The following FANCD2OS variants were observed in gnomAD, a reference collection of about 807,000 sequenced individuals.
FANCD2OS encodes the protein FANCD2 opposite strand protein.
In FANCD2OS, 11 loss-of-function variants were observed where a neutral mutation model predicts 13.2. That is an observed-to-expected ratio of 0.83 (90% CI 0.52 to 1.38). The LOEUF (loss-of-function observed/expected upper bound fraction) is 1.38, where lower values mean the gene tolerates loss of function less well. Ranked by LOEUF, FANCD2OS falls within the 40% of genes most tolerant of loss-of-function variation. The pLI, the probability that FANCD2OS is intolerant of heterozygous loss-of-function variation, is 0.00. For synonymous variants in FANCD2OS, 69 were observed against 84.5 expected, an observed-to-expected ratio of 0.82 and a Z score of 1.01; for missense variants, 217 against 213.9, an observed-to-expected ratio of 1.01 and a Z score of -0.09.
intron 2 of FANCD2OS, among the ~76,000 whole-genome samples, chr3:10,083,950 T>G (rs1056951213): frequency 1.3e-5 from 2 of 151,580 alleles, no homozygotes; most frequent in Non-Finnish European, 2.9e-5. Flanking sequence ...TTTGAGCAAT[T>G]TAGCCTGTGG....
chr3:10,099,298 A>T, downstream of FANCD2OS: 1 of 1,242,230 alleles, frequency 8.1e-7, no homozygotes, highest in Non-Finnish European at 1.0e-6. Flanking sequence ...TGTGGTACAG[A>T]TGCTTTCGAC....
intron 2 of FANCD2OS, chr3:10,090,394 G>T: frequency 1.3e-6 from 2 of 1,500,368 alleles, no homozygotes; most frequent in Non-Finnish European, 1.8e-6. Context: ...AGGTGAGTAA[G>T]ATAATAGTCA....
chr3:10,098,508 A>AAGG (rs1324535658), downstream of FANCD2OS, among the ~76,000 whole-genome samples: 1 of 152,174 alleles, frequency 6.6e-6, no homozygotes, highest in Non-Finnish European at 1.5e-5. Flanking sequence ...CTTTCGTTAC[A>AAGG]TTACTTATTG....
rs1370325758 is a variant in FANCD2OS, at chr3:10,105,767, AAAAATTATATATATATATATATATAT to A, written c.-8-1011_-8-986del. 6.0e-4 allele frequency among the ~76,000 whole-genome samples: 32 copies of A among 53,422 alleles called. 2 individuals are homozygous for A. Among genetic ancestry groups the A allele is most frequent in the African/African-American group, 4.8e-3 (22 of 4,582 alleles). The allele number at this position is 53,422 out of a possible 152,430, so 35.0% of individuals were successfully genotyped here. On this transcript the variant is annotated intron_variant, in intron 1 of 1. Coordinates refer to ENST00000450660, the MANE Select transcript of FANCD2OS (RefSeq NM_001164839.2). Reference sequence around the variant, plus strand: ...CTCCATCTAAAAAAAAAAAAAAAAAAAAAATTATATATATATATATATATATATATATATATATATATATATATATA... The same window carrying A: ...CTCCATCTAAAAAAAAAAAAAAAAAAATATATATATATATATATATATATA...
chr3:10,098,377 T>C (rs1695103612), downstream of FANCD2OS, among the ~76,000 whole-genome samples: 1 of 152,160 alleles, frequency 6.6e-6, no homozygotes, highest in African/African-American at 2.4e-5. Flanking sequence ...CTTGGTGTGA[T>C]AGTGCTTAGA....
intron 1 of FANCD2OS, among the ~76,000 whole-genome samples, chr3:10,105,793 T>C (rs1409706185): frequency 4.7e-5 from 3 of 63,984 alleles, no homozygotes; most frequent in African/African-American, 4.1e-4. Flanking sequence ...TATATATATA[T>C]ATATATATAT....
downstream of FANCD2OS, chr3:10,098,709 T>A: frequency 2.5e-6 from 4 of 1,614,122 alleles, no homozygotes; most frequent in Non-Finnish European, 3.4e-6. Context: ...TCTTGGTCCA[T>A]TCACATTTAG....
chr3:10,104,342 T>A lies in FANCD2OS; in HGVS notation c.433A>T (p.Ile145Phe). The A allele has an allele frequency of 6.2e-7, 1 of 1,614,216 alleles. No homozygotes were observed. The highest frequency in any genetic ancestry group is 8.5e-7 in the Non-Finnish European group (1 of 1,180,038). The change falls in exon 2 of 2, where the codon ATT (isoleucine) becomes TTT (phenylalanine). Residue 145 changes from isoleucine to phenylalanine, a missense_variant. Ile to Phe is a conservative substitution (Grantham distance 21). Coordinates refer to ENST00000450660, the MANE Select transcript of FANCD2OS (RefSeq NM_001164839.2). ...QWPIGLKEPQIQMTVTMCKQM... is the reference protein window; with the variant it reads ...QWPIGLKEPQFQMTVTMCKQM... ...TTGCACATAGTGACTGTCATCTGAA[T>A]CTGAGGCTCCTTCAGTCCAATGGGC...
chr3:10,101,056 A>C, downstream of FANCD2OS: 1 of 652,676 alleles, frequency 1.5e-6, no homozygotes, highest in Non-Finnish European at 2.7e-6. Context: ...TGACAGAGCA[A>C]GACTCCTTTA....
At chr3:10,093,213 G>T in intron 2 of FANCD2OS, 2 of 1,146,100 alleles carry the variant, frequency 1.7e-6, no homozygotes, top group Admixed American at 1.7e-5. Context: ...TGTGCTTTGC[G>T]CAGCGGGAAA....
chr3:10,104,529 C>T lies in FANCD2OS; in HGVS notation c.246G>A (p.Met82Ile), dbSNP rs1355886072. 6.2e-7 allele frequency: 1 copy of T among 1,614,070 alleles called. No homozygotes were observed. Among genetic ancestry groups the T allele is most frequent in the African/African-American group, 1.3e-5 (1 of 74,910 alleles). ...GCTTCCTGACCAGTCCTTTGTTGTT[C>T]ATCGTGCGCAACTCTGATGTGTGGC... ...LPCHTSELRT[M>I]NNKGLVRKPQ... is the part of the protein sequence containing the mutation. Residue 82 changes from methionine (M) to isoleucine (I), a missense_variant, in exon 2 of 2, where the codon ATG becomes ATA. Met to Ile is a conservative substitution (Grantham distance 10). Transcript: ENST00000450660.
intron 2 of FANCD2OS, among the ~76,000 whole-genome samples, chr3:10,091,270 G>A (rs1343784936): frequency 2.0e-5 from 3 of 151,324 alleles, no homozygotes; most frequent in Non-Finnish European, 4.4e-5. Context: ...TAGTAGAGGC[G>A]GGGTTTTGTC....
chr3:10,087,594 G>A (rs1014388230), intron 2 of FANCD2OS, among the ~76,000 whole-genome samples: 1 of 151,662 alleles, frequency 6.6e-6, no homozygotes, highest in African/African-American at 2.4e-5. Context: ...AATAAAGTAG[G>A]AAATAAAGGA....
At chr3:10,105,817 TA>T (rs1695483010) in intron 1 of FANCD2OS, among the ~76,000 whole-genome samples, 1 of 80,914 alleles carries the variant, frequency 1.2e-5, no homozygotes, top group Non-Finnish European at 2.4e-5. Flanking sequence ...TATATATATA[TA>T]TATTTTGAGG....
At chr3:10,107,609 ATCT>A (rs1405769881) in intron 1 of FANCD2OS, among the ~76,000 whole-genome samples, 1 of 151,700 alleles carries the variant, frequency 6.6e-6, no homozygotes, top group African/African-American at 2.4e-5. Flanking sequence ...TTCTTGCCAC[ATCT>A]TCTAAGAGGA....
chr3:10,099,084 C>A, downstream of FANCD2OS: 4 of 1,540,962 alleles, frequency 2.6e-6, no homozygotes, highest in Middle Eastern at 4.2e-4. Context: ...TCTCATTTTC[C>A]ATGAATTCAT....
intron 2 of FANCD2OS, among the ~76,000 whole-genome samples, chr3:10,094,581 G>A (rs535413851): frequency 6.6e-6 from 1 of 152,092 alleles, no homozygotes; most frequent in Non-Finnish European, 1.5e-5. Context: ...TTCTTCTCCA[G>A]ATCTGACAGT....
intron 2 of FANCD2OS, chr3:10,083,660 G>A (rs772815874): frequency 2.6e-5 from 4 of 152,120 alleles, no homozygotes; most frequent in African/African-American, 4.8e-5. Context: ...AGGCCGAGGC[G>A]GGCAGATCAT....
At chr3:10,081,872 C>T (rs1441534742) in intron 2 of FANCD2OS, among the ~76,000 whole-genome samples, 1 of 152,034 alleles carries the variant, frequency 6.6e-6, no homozygotes, top group Non-Finnish European at 1.5e-5. Context: ...AGAGAGATAA[C>T]GGAAGGAAGT....
Sources: gnomAD v4.1 joint callset for allele counts (sites outside exome capture counted in the v4.1 genomes callset) on GRCh38, gnomAD v4.1.1 for gene constraint, MANE v1.5 for transcripts, NCBI Gene and HGNC (gene_info 2026-07-23, HGNC 2026-07-21) for gene names.